CRYBG3: variants seen among roughly 807,000 people sequenced by gnomAD.
The protein encoded by CRYBG3 is very large A-kinase anchor protein.
A neutral mutation model predicts 244.2 loss-of-function variants in CRYBG3; 127 were observed. The observed-to-expected ratio is 0.52, with a 90% confidence interval of 0.45 to 0.60. The LOEUF (loss-of-function observed/expected upper bound fraction) is 0.60. CRYBG3 is among the 20% of genes least tolerant of loss of function. CRYBG3 has a pLI of 0.00. For synonymous variants in CRYBG3, 1,132 were observed against 1,195.8 expected (o/e 0.95, Z 1.10); for missense variants, 3,325 against 3,442.5 (o/e 0.97, Z 0.85).
chr3:97,885,774 A>G (rs2039500835), intron 7 of CRYBG3, among the ~76,000 whole-genome samples: 1 of 152,086 alleles, frequency 6.6e-6, no homozygotes, highest in South Asian at 2.1e-4. Context: ...GTGTCCTATT[A>G]TAGAAAGACA....
chr3:97,880,139 A>C lies in CRYBG3; in HGVS notation c.7004+39A>C, dbSNP rs771125243. On this transcript the variant is annotated intron_variant, in intron 6 of 21. Transcript: ENST00000389622. ...TAAAATTTTATAGCATATTTTCTTA[A>C]ATTAAATGTGTCTTCTTGCTGTTAA... The C allele has an allele frequency of 6.8e-6, 7 of 1,031,046 alleles. No homozygotes were observed. The African/African-American group carries it at 1.1e-4, about 17-fold the overall frequency. 63.9% of individuals were successfully genotyped at this position (1,031,046 alleles called of 1,614,324 possible).
chr3:97,877,638 G>A lies in CRYBG3; in HGVS notation c.6444G>A (p.Glu2148=), dbSNP rs2039396395. ...FDEDDREAAD[E]EEEEEEAAVL... ...AAGATGACAGAGAGGCAGCTGATGAGGAAGAAGAGGAGGAGGAGGCAGCAG... is the reference window on the plus strand; with the variant it reads ...AAGATGACAGAGAGGCAGCTGATGAAGAAGAAGAGGAGGAGGAGGCAGCAG... The change falls in exon 4 of 22, where the codon GAG becomes GAA. Residue 2148 remains glutamate, a synonymous_variant. Transcript: ENST00000389622. 1.9e-6 allele frequency: 3 copies of A among 1,614,108 alleles called. No individual in the cohort carries two copies. Among genetic ancestry groups the A allele is most frequent in the East Asian group, 4.5e-5 (2 of 44,880 alleles).
At chr3:97,913,098 C>G (rs2039890463) in intron 16 of CRYBG3, among the ~76,000 whole-genome samples, 1 of 152,140 alleles carries the variant, frequency 6.6e-6, no homozygotes, top group Non-Finnish European at 1.5e-5. Flanking sequence ...CTTAATTACC[C>G]CCTGCTTCAG....
intron 8 of CRYBG3, 48 bp from the exon 9 acceptor site, chr3:97,888,293 A>G: frequency 1.7e-6 from 2 of 1,160,628 alleles, no homozygotes; most frequent in Non-Finnish European, 1.3e-6. Context: ...ACAGAACCAG[A>G]CTAAAGCAGT....
intron 9 of CRYBG3, among the ~76,000 whole-genome samples, chr3:97,888,904 G>C (rs1199539487): frequency 2.0e-5 from 3 of 152,208 alleles, no homozygotes; most frequent in Non-Finnish European, 2.9e-5. Context: ...AGTGTGGTTA[G>C]CTCAGTGCTC....
Position 97,896,260 on chromosome 3 carries a change from AT to A in CRYBG3, c.7701+183del, listed in dbSNP as rs141188747. On this transcript the variant is annotated intron_variant, in intron 12 of 21. Coordinates refer to ENST00000389622, the MANE Select transcript of CRYBG3 (RefSeq NM_153605.4). The stretch of plus-strand genomic sequence containing the variant: ...TCTGAACTGCCATGATTATTATGGA[AT>A]TTTTTTTAACTTTTCATCCATTGTT... 9.2e-5 allele frequency among the ~76,000 whole-genome samples: 14 copies of A among 152,094 alleles called. No individual in the cohort carries two copies. The East Asian group carries it at 2.7e-3, about 29-fold the overall frequency.
Position 97,943,271 on chromosome 3 carries a change from T to C in CRYBG3, c.8870T>C (p.Leu2957Pro). The change falls in exon 22 of 22, where the codon CTG (leucine) becomes CCG (proline). Residue 2957 changes from leucine to proline, a missense_variant. Physicochemically the swap from Leu to Pro is moderately conservative, Grantham distance 98. Around this residue, in one of 4 missense-constraint regions of CRYBG3, gnomAD observed 714 missense variants for 803.6 expected, o/e 0.89. Coordinates refer to ENST00000389622, the MANE Select transcript of CRYBG3 (RefSeq NM_153605.4). ...ACTCATGTAATTGTAAATCAGCCCC[T>C]GGAGGGAGAAGAAACACAGAAATGG... ...DKTHVIVNQP[L>P]EGEETQKWDI... The C allele has an allele frequency of 1.9e-6, 3 of 1,594,764 alleles. No homozygotes were observed. The highest frequency in any genetic ancestry group is 2.2e-5 in the East Asian group (1 of 44,662).
rs1224231496 is a variant in CRYBG3, at chr3:97,875,128, A to G, written c.3934A>G (p.Ile1312Val). The change falls in exon 4 of 22, where the codon ATT becomes GTT. Residue 1312 changes from isoleucine (I) to valine (V), a missense_variant. By Grantham distance (29) the Ile-to-Val change is conservative. Coordinates refer to ENST00000389622, the MANE Select transcript of CRYBG3 (RefSeq NM_153605.4). The part of the protein sequence containing the change: ...EDKARELVNE[I>V]IYVAQEKLRN... ...TAAAGCTAGGGAATTAGTCAATGAG[A>G]TTATTTATGTAGCCCAAGAAAAATT... The G allele has an allele frequency of 1.3e-6, 2 of 1,535,086 alleles. No homozygotes were observed. Among genetic ancestry groups the G allele is most frequent in the African/African-American group, 2.7e-5 (2 of 73,144 alleles).
Position 97,874,914 on chromosome 3 carries a change from A to G in CRYBG3, c.3720A>G (p.Lys1240=), listed in dbSNP as rs1387310144. The change falls in exon 4 of 22, where the codon AAA becomes AAG. Residue 1240 remains lysine, a synonymous_variant. Coordinates refer to ENST00000389622, the MANE Select transcript of CRYBG3 (RefSeq NM_153605.4). ...IEGIMNLGTL[K]EDISEKNPSE... ...GTATAATGAATCTGGGTACCCTGAAAGAAGACATCTCTGAGAAAAACCCAT... is the reference window on the plus strand; with the variant it reads ...GTATAATGAATCTGGGTACCCTGAAGGAAGACATCTCTGAGAAAAACCCAT... 6 of 1,535,516 alleles carry G rather than the reference A, an allele frequency of 3.9e-6. No individual in the cohort carries two copies. The East Asian group carries it at 9.8e-5, about 25-fold the overall frequency.
Position 97,875,408 on chromosome 3 carries a change from T to G in CRYBG3, c.4214T>G (p.Leu1405Arg), listed in dbSNP as rs2039359002. Residue 1405 changes from leucine (L) to arginine (R), a missense_variant, in exon 4 of 22, where the codon CTA (leucine) becomes CGA (arginine). Coordinates refer to ENST00000389622, the MANE Select transcript of CRYBG3 (RefSeq NM_153605.4). ...GGEIVLYQKS[L>R]FSGNGSGLSD... is the part of the protein sequence containing the mutation. ...GAAATTGTTCTCTACCAAAAATCCCTATTTTCTGGAAATGGATCTGGACTG... is the reference window on the plus strand; with the variant it reads ...GAAATTGTTCTCTACCAAAAATCCCGATTTTCTGGAAATGGATCTGGACTG... The G allele has an allele frequency of 2.1e-6, 3 of 1,409,446 alleles. No individual in the cohort carries two copies. The highest frequency in any genetic ancestry group is 2.8e-6 in the Non-Finnish European group (3 of 1,090,108). The allele number at this position is 1,409,446 out of a possible 1,614,324, so 87.3% of individuals were successfully genotyped here.
At chr3:97,896,122 T>TA in intron 12 of CRYBG3, 37 bp downstream of exon 12, 1 of 1,565,414 alleles carries the variant, frequency 6.4e-7, no homozygotes. Flanking sequence ...TTCTACCTTT[T>TA]AAAAAATCTG....
In CRYBG3 at chr3:97,936,835, G is replaced by A. The variant is rs2040171031; in HGVS notation, c.8432G>A (p.Arg2811Lys). ...SNFLGRQILL[R>K]PNEIPNWTAF... Reference sequence around the variant, plus strand: ...TTCTTGGGAAGACAAATCCTACTCAGGCCTAATGAGATCCCAAACTGGACA... The same window carrying A: ...TTCTTGGGAAGACAAATCCTACTCAAGCCTAATGAGATCCCAAACTGGACA... Residue 2811 changes from arginine to lysine, a missense_variant, in exon 19 of 22, where the codon AGG (arginine) becomes AAG (lysine). Around this residue, in one of 4 missense-constraint regions of CRYBG3, gnomAD observed 714 missense variants for 803.6 expected, o/e 0.89. Coordinates refer to ENST00000389622, the MANE Select transcript of CRYBG3 (RefSeq NM_153605.4). 1 of 1,612,802 alleles carries A rather than the reference G, an allele frequency of 6.2e-7. No individual in the cohort carries two copies. Among genetic ancestry groups the A allele is most frequent in the African/African-American group, 1.3e-5 (1 of 74,786 alleles).
chr3:97,867,063 A>T (rs1197519441), intron 3 of CRYBG3: 1 of 152,216 alleles, frequency 6.6e-6, no homozygotes, highest in African/African-American at 2.4e-5. Flanking sequence ...CTCTAATCTC[A>T]GCACTTTGGG....
chr3:97,943,569 T>C lies in CRYBG3; in HGVS notation c.*255T>C, dbSNP rs2040282862. On this transcript the variant is annotated 3_prime_UTR_variant, in exon 22 of 22. Coordinates refer to ENST00000389622, the MANE Select transcript of CRYBG3 (RefSeq NM_153605.4). ...AGGTTCTATTCCTGATCTCCAGCTG[T>C]GGTGAGCAAGTTTCCTGAAGTGTTT... 9 of 414,612 alleles carry C rather than the reference T, an allele frequency of 2.2e-5. No individual in the cohort carries two copies. In the East Asian group the frequency reaches 4.8e-4, roughly 22 times the overall value. 25.7% of individuals were successfully genotyped at this position (414,612 alleles called of 1,614,324 possible).
intron 17 of CRYBG3, among the ~76,000 whole-genome samples, chr3:97,921,325 G>A (rs2039982740): frequency 6.6e-6 from 1 of 152,096 alleles, no homozygotes; most frequent in African/African-American, 2.4e-5. Flanking sequence ...TACTGAAACT[G>A]CAAAGCCATT....
chr3:97,874,442 T>G lies in CRYBG3; in HGVS notation c.3248T>G (p.Leu1083Trp). ...AATTCACATAAGCCCCAAAATAATT[T>G]GGATTCTATACAAGTTACCAAAGAT... ...IVNSHKPQNN[L>W]DSIQVTKDLT... The change falls in exon 4 of 22, where the codon TTG becomes TGG. Residue 1083 changes from leucine (L) to tryptophan (W), a missense_variant. By Grantham distance (61) the Leu-to-Trp change is moderately conservative. Coordinates refer to ENST00000389622, the MANE Select transcript of CRYBG3 (RefSeq NM_153605.4). 6.5e-7 allele frequency: 1 copy of G among 1,535,284 alleles called. No individual in the cohort carries two copies. The highest frequency in any genetic ancestry group is 8.7e-7 in the Non-Finnish European group (1 of 1,146,598).
Position 97,888,466 on chromosome 3 carries a change from T to G in CRYBG3, c.7404+11T>G, listed in dbSNP as rs2039534666. The G allele has an allele frequency of 6.5e-7, 1 of 1,529,612 alleles. No homozygotes were observed. Among genetic ancestry groups the G allele is most frequent in the Admixed American group, 1.7e-5 (1 of 59,246 alleles). 94.8% of individuals were successfully genotyped at this position (1,529,612 alleles called of 1,614,324 possible). On this transcript the variant is annotated intron_variant, in intron 9 of 21. Coordinates refer to ENST00000389622, the MANE Select transcript of CRYBG3 (RefSeq NM_153605.4). ...CATCCGCTTCAAATGGTAAGCAAATTTAAAAAGAAGCATTCCTTTTCCCAA... is the reference window on the plus strand; with the variant it reads ...CATCCGCTTCAAATGGTAAGCAAATGTAAAAAGAAGCATTCCTTTTCCCAA...
chr3:97,893,325 T>C lies in CRYBG3; in HGVS notation c.7574+332T>C, dbSNP rs186393248. 5.9e-5 allele frequency among the ~76,000 whole-genome samples: 9 copies of C among 152,354 alleles called. 1 individual carries two copies. The highest frequency in any genetic ancestry group is 2.2e-4 in the African/African-American group (9 of 41,584). ...ACAGCCCCAGTTTTTATCCACTATT[T>C]TGTTGATCATACTTGACTTATGTAC... is the stretch of plus-strand genomic sequence containing the variant. On this transcript the variant is annotated intron_variant, in intron 11 of 21. Transcript: ENST00000389622.
intron 2 of CRYBG3, among the ~76,000 whole-genome samples, chr3:97,845,757 C>T (rs764322325): frequency 2.6e-5 from 4 of 152,222 alleles, no homozygotes; most frequent in Non-Finnish European, 5.9e-5. Flanking sequence ...CTACTACTAT[C>T]CCTCCATCTT....
Sources: gnomAD v4.1 joint callset for allele counts (sites outside exome capture counted in the v4.1 genomes callset) on GRCh38, gnomAD v4.1.1 for gene constraint, gnomAD v4.1.1 regional missense constraint, MANE v1.5 for transcripts, NCBI Gene and HGNC (gene_info 2026-07-23, HGNC 2026-07-21) for gene names.